STXBP3: variants seen among roughly 807,000 people sequenced by gnomAD.
STXBP3 encodes the protein syntaxin-binding protein 3.
STXBP3 carries 41 observed loss-of-function variants against 85.7 expected under a neutral mutation model. That is an observed-to-expected ratio of 0.48 (90% CI 0.37 to 0.62). STXBP3 has a LOEUF of 0.62. Among genes scored for constraint, STXBP3 ranks in the 20% least tolerant of loss-of-function variants. The pLI is 0.00. For synonymous variants in STXBP3, 229 were observed against 231.7 expected (o/e 0.99, Z 0.10); for missense variants, 563 against 703.1 (o/e 0.80, Z 2.25).
intron 6 of STXBP3, among the ~76,000 whole-genome samples, chr1:108,768,152 A>G (rs1662308946): frequency 1.3e-5 from 2 of 152,208 alleles, no homozygotes; most frequent in Non-Finnish European, 2.9e-5. Context: ...TATTTATTTG[A>G]CACATTGTAA....
intron 9 of STXBP3, 56 bp from the exon 10 acceptor site, chr1:108,782,366 T>G: frequency 7.7e-7 from 1 of 1,302,808 alleles, no homozygotes; most frequent in Non-Finnish European, 1.1e-6. Flanking sequence ...AAAATGTTTC[T>G]TTTGATTTTG....
At chr1:108,773,155 A>G (rs1266751545) in intron 7 of STXBP3, among the ~76,000 whole-genome samples, 1 of 152,176 alleles carries the variant, frequency 6.6e-6, no homozygotes, top group Non-Finnish European at 1.5e-5. Context: ...TTAAATGACC[A>G]TATTCTCTGG....
rs143324436 is a variant in STXBP3 at position 108,796,715 on chromosome 1, A to G, written c.1345A>G (p.Ile449Val). 3.0e-5 allele frequency: 49 copies of G among 1,613,196 alleles called. No individual in the cohort carries two copies. The highest frequency in any genetic ancestry group is 1.7e-4 in the Admixed American group (10 of 59,902). The change falls in exon 15 of 19, where the codon ATT becomes GTT. Residue 449 changes from isoleucine to valine, a missense_variant. By Grantham distance (29) the Ile-to-Val change is conservative (BLOSUM62 3). Transcript: ENST00000370008. The part of the protein sequence containing the change: ...IRNWSYLGVP[I>V]VPQSQQGKPL... ...TAACTGGAGTTACCTTGGTGTTCCC[A>G]TTGTTCCCCAAGTAAGAAGTCTTAT... is the stretch of plus-strand genomic sequence containing the variant.
chr1:108,759,499 T>G (rs1662089907), intron 5 of STXBP3, among the ~76,000 whole-genome samples: 1 of 152,188 alleles, frequency 6.6e-6, no homozygotes, highest in Admixed American at 6.5e-5. Context: ...GGAAAAACAC[T>G]GGCTCTGAGT....
At chr1:108,765,570 A>ATTT (rs35813823) in intron 6 of STXBP3, among the ~76,000 whole-genome samples, 1,585 of 67,050 alleles carry the variant, frequency 0.024, 174 homozygotes, top group African/African-American at 0.083. Flanking sequence ...CCACATGCTA[A>ATTT]TTTTTTTTTT....
intron 1 of STXBP3, among the ~76,000 whole-genome samples, chr1:108,751,783 CTG>C (rs10556789): frequency 0.7 from 106,655 of 151,674 alleles, 38,474 homozygotes; most frequent in Non-Finnish European, 0.77. Flanking sequence ...TAAATCAAGA[CTG>C]AATATTGGTA....
At chr1:108,807,251 C>T (rs1167127827) in intron 17 of STXBP3, 150 bp from the exon 18 acceptor site, 2 of 822,434 alleles carry the variant, frequency 2.4e-6, no homozygotes, top group Non-Finnish European at 3.5e-6. Flanking sequence ...AAGTGAGACT[C>T]CACCTCAAAA....
At chr1:108,754,517 AG>A (rs1240985868) in intron 3 of STXBP3, among the ~76,000 whole-genome samples, 1 of 152,218 alleles carries the variant, frequency 6.6e-6, no homozygotes, top group African/African-American at 2.4e-5. Flanking sequence ...ATGTGAAACT[AG>A]GGTGAGAACC....
intron 1 of STXBP3, among the ~76,000 whole-genome samples, chr1:108,748,400 T>C (rs1661838050): frequency 1.3e-5 from 2 of 152,188 alleles, no homozygotes; most frequent in Admixed American, 6.5e-5. Flanking sequence ...CATGCACCTG[T>C]GTTCCCACCT....
At position 108,772,713 on chromosome 1, in the gene STXBP3, G is replaced by A; in HGVS notation, c.487G>A (p.Asp163Asn). 6.2e-7 allele frequency: 1 copy of A among 1,602,544 alleles called. No homozygotes were observed. The highest frequency in any genetic ancestry group is 8.5e-7 in the Non-Finnish European group (1 of 1,174,078). Residue 163 changes from aspartate to asparagine, a missense_variant, in exon 7 of 19, where the codon GAC becomes AAC. Coordinates refer to ENST00000370008, the MANE Select transcript of STXBP3 (RefSeq NM_007269.4). ...PDAFYYCYSP[D>N]PGNAKGKDAI... ...TGCATTCTATTACTGTTATAGTCCA[G>A]ACCCTGGTAATGCAAAGGGAAAAGA...
At chr1:108,774,938 T>C (rs922269836) in intron 7 of STXBP3, among the ~76,000 whole-genome samples, 2 of 151,470 alleles carry the variant, frequency 1.3e-5, no homozygotes, top group African/African-American at 4.8e-5. Context: ...TTTTGAGTTA[T>C]GCTAATAAAT....
At chr1:108,793,765 T>C in intron 12 of STXBP3, 118 bp downstream of exon 12, 1 of 771,022 alleles carries the variant, frequency 1.3e-6, no homozygotes. Context: ...ATTTGTCCTC[T>C]AAAACCTTAC....
At chr1:108,771,052 T>C (rs958121190) in intron 6 of STXBP3, among the ~76,000 whole-genome samples, 2 of 152,028 alleles carry the variant, frequency 1.3e-5, no homozygotes, top group African/African-American at 4.8e-5. Flanking sequence ...GTCTGAGATA[T>C]AGGCCGATTT....
intron 17 of STXBP3, among the ~76,000 whole-genome samples, chr1:108,804,100 G>A (rs1663282317): frequency 6.6e-6 from 1 of 152,000 alleles, no homozygotes; most frequent in South Asian, 2.1e-4. Context: ...CTGAATCTGA[G>A]GATTTACATC....
intron 6 of STXBP3, among the ~76,000 whole-genome samples, chr1:108,761,946 C>T (rs1217384258): frequency 6.6e-6 from 1 of 152,020 alleles, no homozygotes; most frequent in African/African-American, 2.4e-5. Flanking sequence ...GCACTCCAGC[C>T]TGGGCAACAG....
intron 9 of STXBP3, 32 bp from the exon 10 acceptor site, chr1:108,782,390 C>G (rs750854349): frequency 2.2e-5 from 34 of 1,512,262 alleles, no homozygotes; most frequent in Middle Eastern, 1.8e-4. Flanking sequence ...GGAAAAAAAT[C>G]AAAAAGTTTT....
At chr1:108,796,467 A>G in intron 14 of STXBP3, 95 bp downstream of exon 14, 4 of 1,205,078 alleles carry the variant, frequency 3.3e-6, no homozygotes, top group Non-Finnish European at 4.6e-6. Flanking sequence ...TGGTTAAGAT[A>G]AAAGGGAAAA....
chr1:108,752,875 G>A (rs1661933269), intron 2 of STXBP3, among the ~76,000 whole-genome samples, 188 bp from the exon 3 acceptor site: 1 of 152,078 alleles, frequency 6.6e-6, no homozygotes, highest in Admixed American at 6.6e-5. Context: ...GTTTACTTAT[G>A]TACGATACTA....
chr1:108,794,555 C>T (rs1206436073), intron 12 of STXBP3, among the ~76,000 whole-genome samples: 5 of 152,222 alleles, frequency 3.3e-5, no homozygotes, highest in African/African-American at 1.2e-4. Context: ...CCCATCATCC[C>T]ATGTTCCAAA....
Sources: allele counts gnomAD v4.1 joint callset (sites outside exome capture counted in the v4.1 genomes callset), GRCh38; gene constraint gnomAD v4.1.1; transcripts MANE v1.5; gene names NCBI Gene and HGNC (gene_info 2026-07-23, HGNC 2026-07-21).